IRAG1: variants seen among roughly 807,000 people sequenced by gnomAD.
IRAG1 encodes inositol 1,4,5-triphosphate receptor associated 1.
IRAG1 carries 62 observed loss-of-function variants against 106.2 expected under a neutral mutation model. The ratio of observed to expected loss-of-function variants is 0.58; its 90% CI spans 0.48 to 0.72. The LOEUF is 0.72. Ranked by LOEUF, IRAG1 falls within the 30% of genes least tolerant of loss-of-function variation. The pLI is 0.00. For synonymous variants in IRAG1, 462 were observed against 443.9 expected (o/e 1.04, Z -0.51); for missense variants, 1,064 against 1,140.7 (o/e 0.93, Z 0.97).
intron 18 of IRAG1, 100 bp from the exon 19 acceptor site, chr11:10,582,086 A>C: frequency 1.4e-6 from 2 of 1,398,586 alleles, no homozygotes; most frequent in Non-Finnish European, 9.6e-7. Context: ...GGAGTGAGGA[A>C]ACTCAGGCTT....
rs1850749999 is a variant in IRAG1, at chr11:10,575,089, A to C, written c.*1243T>G. On this transcript the variant is annotated 3_prime_UTR_variant, in exon 21 of 21. Coordinates refer to ENST00000423302, the MANE Select transcript of IRAG1 (RefSeq NM_130385.4). ...AACAAAACAAAAATGCAAAACAATG[A>C]CAACAAAACCCACATGGAAATCAAA... is the stretch of plus-strand genomic sequence containing the variant. 6.6e-6 allele frequency: 1 copy of C among 152,250 alleles called. No homozygotes were observed. The allele number at this position is 152,250 out of a possible 1,614,324, so 9.4% of individuals were successfully genotyped here.
At chr11:10,638,575 C>A (rs547587389) in intron 2 of IRAG1, among the ~76,000 whole-genome samples, 16 of 152,342 alleles carry the variant, frequency 1.1e-4, no homozygotes, top group African/African-American at 3.1e-4. Context: ...AATTTGAGCT[C>A]TGAAAGTTGC....
intron 10 of IRAG1, among the ~76,000 whole-genome samples, chr11:10,615,037 C>G (rs190817710): frequency 6.6e-6 from 1 of 152,312 alleles, no homozygotes. Flanking sequence ...ATCTACTCAT[C>G]TGACAAAGGG....
At chr11:10,645,893 T>C (rs960499489) in intron 2 of IRAG1, among the ~76,000 whole-genome samples, 9 of 152,212 alleles carry the variant, frequency 5.9e-5, no homozygotes, top group Non-Finnish European at 1.2e-4. Flanking sequence ...TAATGTAACA[T>C]ATAAAACAAG....
chr11:10,663,330 T>C (rs775334592), intron 1 of IRAG1, among the ~76,000 whole-genome samples: 1 of 152,182 alleles, frequency 6.6e-6, no homozygotes, highest in Non-Finnish European at 1.5e-5. Context: ...CCTTCCTAGT[T>C]TTCTTCTAGG....
intron 1 of IRAG1, among the ~76,000 whole-genome samples, chr11:10,670,709 G>A (rs1464850158): frequency 6.6e-6 from 1 of 152,056 alleles, no homozygotes; most frequent in East Asian, 1.9e-4. Context: ...TTTAAATGAG[G>A]CCATTAGAAT....
At chr11:10,679,543 G>A (rs1045955894) in intron 1 of IRAG1, among the ~76,000 whole-genome samples, 5 of 152,226 alleles carry the variant, frequency 3.3e-5, no homozygotes, top group Non-Finnish European at 7.3e-5. Flanking sequence ...AGGGATTGAA[G>A]CCGTCAGAGC....
intron 11 of IRAG1, among the ~76,000 whole-genome samples, chr11:10,609,111 A>G (rs938471601): frequency 2.6e-5 from 4 of 152,162 alleles, no homozygotes; most frequent in South Asian, 2.1e-4. Flanking sequence ...AAACCCTTGC[A>G]TGAGTGGCTT....
chr11:10,608,131 T>C (rs552383983), intron 11 of IRAG1, among the ~76,000 whole-genome samples: 63 of 152,274 alleles, frequency 4.1e-4, no homozygotes, highest in Non-Finnish European at 8.4e-4. Flanking sequence ...TTATTTATTT[T>C]TGGGGACAGG....
intron 1 of IRAG1, among the ~76,000 whole-genome samples, chr11:10,663,488 T>A (rs1564934194): frequency 6.6e-6 from 1 of 152,200 alleles, no homozygotes; most frequent in Non-Finnish European, 1.5e-5. Context: ...AAAAGCTTGT[T>A]GAGTGCTTCC....
In IRAG1 at chr11:10,643,176, C is replaced by CAA. The variant is rs10679269; in HGVS notation, c.225+8847_225+8848dup. Among the ~76,000 whole-genome samples, 561 of 60,002 alleles carry CAA rather than the reference C, an allele frequency of 9.3e-3. 58 individuals carry two copies. Among genetic ancestry groups the CAA allele is most frequent in the African/African-American group, 0.034 (458 of 13,488 alleles). The allele number at this position is 60,002 out of a possible 152,430, so 39.4% of individuals were successfully genotyped here. On this transcript the variant is annotated intron_variant, in intron 2 of 20. Transcript: ENST00000423302. The stretch of plus-strand genomic sequence containing the variant: ...TGGGCGACAGAGTGAGACTCCGTCT[C>CAA]AAAAAAAAAAAAAAAAAAAAAAAGG...
At chr11:10,615,733 G>C (rs1855347101) in intron 10 of IRAG1, among the ~76,000 whole-genome samples, 1 of 151,844 alleles carries the variant, frequency 6.6e-6, no homozygotes, top group Non-Finnish European at 1.5e-5. Context: ...ATTGAACAAT[G>C]AGAACACTTG....
At chr11:10,687,842 AC>A in intron 1 of IRAG1, 2 of 1,276,768 alleles carry the variant, frequency 1.6e-6, no homozygotes, top group Non-Finnish European at 2.0e-6. Context: ...CTAAGAATAG[AC>A]AGTGGGCTAA....
intron 1 of IRAG1, among the ~76,000 whole-genome samples, chr11:10,674,385 G>A (rs1172926263): frequency 6.6e-6 from 1 of 152,186 alleles, no homozygotes; most frequent in Admixed American, 6.5e-5. Context: ...GTTTTTACAA[G>A]TATGGGCACA....
chr11:10,639,376 T>C (rs948497838), intron 2 of IRAG1, among the ~76,000 whole-genome samples: 3 of 152,188 alleles, frequency 2.0e-5, no homozygotes, highest in Admixed American at 6.5e-5. Flanking sequence ...AAGGAGAACC[T>C]CATGCTCCTA....
At chr11:10,580,337 G>T in intron 20 of IRAG1, 118 bp downstream of exon 20, 1 of 1,501,460 alleles carries the variant, frequency 6.7e-7, no homozygotes, top group Non-Finnish European at 8.9e-7. Context: ...CTACTCACTG[G>T]GGCCCCAGAT....
At chr11:10,602,760 G>A (rs916874554) in intron 14 of IRAG1, among the ~76,000 whole-genome samples, 1 of 152,198 alleles carries the variant, frequency 6.6e-6, no homozygotes, top group Non-Finnish European at 1.5e-5. Context: ...GAGAGCTGTG[G>A]GGGGAATTCT....
chr11:10,669,221 T>C (rs927768918), intron 1 of IRAG1, among the ~76,000 whole-genome samples: 27 of 152,318 alleles, frequency 1.8e-4, no homozygotes, highest in African/African-American at 6.5e-4. Flanking sequence ...AAAAGCTCCT[T>C]TTGAGAAGAG....
intron 1 of IRAG1, among the ~76,000 whole-genome samples, chr11:10,666,529 T>C (rs1247419556): frequency 6.6e-6 from 1 of 152,204 alleles, no homozygotes; most frequent in Non-Finnish European, 1.5e-5. Context: ...TTTTTCTGGC[T>C]AAGGCTTCAC....
Sources: gnomAD v4.1 joint callset for allele counts (sites outside exome capture counted in the v4.1 genomes callset) on GRCh38, gnomAD v4.1.1 for gene constraint, MANE v1.5 for transcripts, NCBI Gene and HGNC (gene_info 2026-07-23, HGNC 2026-07-21) for gene names.